The following MICAL3 variants were observed in gnomAD, a reference collection of about 807,000 sequenced individuals.
The protein encoded by MICAL3 is microtubule associated monooxygenase, calponin and LIM domain containing 3.
Under a neutral mutation model 207.4 loss-of-function variants are expected in MICAL3, and 62 were observed. The observed-to-expected ratio is 0.30, with a 90% CI of 0.24 to 0.37. The LOEUF (loss-of-function observed/expected upper bound fraction) is 0.37, where lower values mean the gene tolerates loss of function less well. Among genes scored for constraint, MICAL3 ranks in the 10% least tolerant of loss-of-function variants. The pLI, the probability that MICAL3 is intolerant of heterozygous loss-of-function variation, is 1.00. For synonymous variants in MICAL3, 1,077 were observed against 1,069.3 expected, an observed-to-expected ratio of 1.01 and a Z score of -0.14; for missense variants, 2,368 against 2,635.6, an observed-to-expected ratio of 0.90 and a Z score of 2.22.
chr22:17,824,944 A>G (rs1483381296), intron 22 of MICAL3, among the ~76,000 whole-genome samples: 2 of 152,234 alleles, frequency 1.3e-5, no homozygotes, highest in Non-Finnish European at 2.9e-5. Flanking sequence ...TTGGAACAGA[A>G]TCTGGCCCAT....
At chr22:17,822,228 C>T in intron 23 of MICAL3, 58 bp from the exon 24 acceptor site, 1 of 1,570,146 alleles carries the variant, frequency 6.4e-7, no homozygotes, top group Non-Finnish European at 8.6e-7. Flanking sequence ...AACTCCTTTT[C>T]CACCTGAGAG....
At chr22:17,876,126 C>T (rs924647313) in intron 16 of MICAL3, among the ~76,000 whole-genome samples, 1 of 152,110 alleles carries the variant, frequency 6.6e-6, no homozygotes, top group East Asian at 1.9e-4. Flanking sequence ...GAATCCCAAG[C>T]AAAGATGAGG....
At chr22:18,008,815 G>A (rs1288414128) in intron 1 of MICAL3, among the ~76,000 whole-genome samples, 2 of 151,686 alleles carry the variant, frequency 1.3e-5, no homozygotes, top group South Asian at 2.1e-4. Context: ...GGCTCCACCC[G>A]TAGTCCCGGC....
chr22:17,845,465 G>A (rs1162201953), intron 19 of MICAL3, among the ~76,000 whole-genome samples: 2 of 152,118 alleles, frequency 1.3e-5, no homozygotes, highest in South Asian at 2.1e-4. Flanking sequence ...CTTTCGGTAC[G>A]ACGTGTCAAG....
chr22:17,808,680 T>C (rs1394576390), intron 29 of MICAL3, among the ~76,000 whole-genome samples, 164 bp downstream of exon 29: 1 of 152,216 alleles, frequency 6.6e-6, no homozygotes, highest in Non-Finnish European at 1.5e-5. Context: ...GACAGGTATT[T>C]TCTTTTGCTT....
intron 17 of MICAL3, among the ~76,000 whole-genome samples, chr22:17,868,331 A>G (rs1049549502): frequency 1.3e-5 from 2 of 152,288 alleles, no homozygotes; most frequent in African/African-American, 4.8e-5. Flanking sequence ...AAAAAAAAAA[A>G]AGCTAATTTT....
chr22:17,817,687 G>A lies in MICAL3; in HGVS notation c.4974C>T (p.Ser1658=), dbSNP rs747603662. The A allele has an allele frequency of 2.0e-5, 32 of 1,606,868 alleles. No individual in the cohort carries two copies. The highest frequency in any genetic ancestry group is 2.4e-5 in the Non-Finnish European group (28 of 1,177,614). ...DSPTRPTLRG[S]EEPTLKHEAT... The stretch of plus-strand genomic sequence containing the variant: ...CTTCATGCTTCAGGGTGGGCTCCTC[G>A]GAGCCCCTGAGAGTGGGGCGTGTGG... Residue 1658 remains serine, a synonymous_variant, in exon 26 of 32, where the codon TCC becomes TCT. Transcript: ENST00000441493.
chr22:17,921,211 A>G (rs1205080170), intron 1 of MICAL3, among the ~76,000 whole-genome samples: 1 of 152,154 alleles, frequency 6.6e-6, no homozygotes, highest in Non-Finnish European at 1.5e-5. Flanking sequence ...TCTATTGTCT[A>G]TGTTATCTCA....
chr22:17,997,626 G>A (rs1383730793), intron 1 of MICAL3, among the ~76,000 whole-genome samples: 1 of 152,156 alleles, frequency 6.6e-6, no homozygotes, highest in Non-Finnish European at 1.5e-5. Context: ...TAGCACACGG[G>A]TTAGGAGGAG....
intron 1 of MICAL3, among the ~76,000 whole-genome samples, chr22:18,013,041 C>A (rs1460881281): frequency 6.6e-6 from 1 of 152,198 alleles, no homozygotes; most frequent in African/African-American, 2.4e-5. Context: ...GAAGGCAGCA[C>A]ATGGTCCAGC....
chr22:17,968,088 TAAATGATGCTTGTA>T (rs1935234625), intron 1 of MICAL3, among the ~76,000 whole-genome samples: 1 of 151,790 alleles, frequency 6.6e-6, no homozygotes, highest in Admixed American at 6.6e-5. Context: ...AAATAATTAT[TAAATGATGCTTGTA>T]AAAGTAGGTA....
rs143856777 is a variant in MICAL3, at chr22:17,838,907, G to A, written c.2801+2915C>T. Among the ~76,000 whole-genome samples, 182 of 151,328 alleles carry A rather than the reference G, an allele frequency of 1.2e-3. 1 individual carries two copies. The highest frequency in any genetic ancestry group is 4.2e-3 in the African/African-American group (171 of 41,074). ...ACGCACTTCCCGTCCTGTGTCCTAC[G>A]GCCACCCAGGGAAGTAAGACAACAT... is the stretch of plus-strand genomic sequence containing the variant. On this transcript the variant is annotated intron_variant, in intron 20 of 31. Transcript: ENST00000441493.
chr22:17,970,751 G>A (rs1014132078), intron 1 of MICAL3, among the ~76,000 whole-genome samples: 2 of 151,984 alleles, frequency 1.3e-5, no homozygotes, highest in African/African-American at 4.8e-5. Context: ...CCATTTAATT[G>A]AGCAGCATTT....
intron 1 of MICAL3, among the ~76,000 whole-genome samples, chr22:17,998,157 A>T (rs1182059486): frequency 6.6e-6 from 1 of 152,180 alleles, no homozygotes; most frequent in Non-Finnish European, 1.5e-5. Flanking sequence ...ACAAAAAATT[A>T]GCAGGGCGTG....
At chr22:17,791,670 AG>A in intron 29 of MICAL3, 1 of 247,930 alleles carries the variant, frequency 4.0e-6, no homozygotes. Context: ...GTCTCCTTGG[AG>A]GAAACCCGTC....
chr22:17,962,441 C>T (rs879806748), intron 1 of MICAL3, among the ~76,000 whole-genome samples: 6 of 152,086 alleles, frequency 3.9e-5, no homozygotes, highest in African/African-American at 4.8e-5. Context: ...CTCTTAGAGC[C>T]GGGCAGGAGA....
chr22:17,871,155 T>C (rs903231984), intron 17 of MICAL3, among the ~76,000 whole-genome samples: 1 of 152,212 alleles, frequency 6.6e-6, no homozygotes, highest in Non-Finnish European at 1.5e-5. Context: ...TGCAGGGTCC[T>C]CAGATGGCGG....
At chr22:17,906,188 T>C (rs867224799) in intron 2 of MICAL3, among the ~76,000 whole-genome samples, 1 of 152,230 alleles carries the variant, frequency 6.6e-6, no homozygotes, top group African/African-American at 2.4e-5. Context: ...TGTTCTTAAA[T>C]ACTTGAAACT....
rs576892424 is a variant in MICAL3 at position 17,949,235 on chromosome 22, G to T, written c.-74-42349C>A. ...GAAAATAAATAAATAAATATAACAA[G>T]ATTTCTCAAAGATTAACAAGAATCC... On this transcript the variant is annotated intron_variant, in intron 1 of 31. Coordinates refer to ENST00000441493, the MANE Select transcript of MICAL3 (RefSeq NM_015241.3). Among the ~76,000 whole-genome samples, 4 of 152,112 alleles carry T rather than the reference G, an allele frequency of 2.6e-5. No individual in the cohort carries two copies. In the South Asian group the frequency reaches 8.3e-4, roughly 32 times the overall value.
Sources: allele counts gnomAD v4.1 joint callset (sites outside exome capture counted in the v4.1 genomes callset), GRCh38; gene constraint gnomAD v4.1.1; transcripts MANE v1.5; gene names NCBI Gene and HGNC (gene_info 2026-07-23, HGNC 2026-07-21).